KIAA1217: variants seen among roughly 807,000 people sequenced by gnomAD.
KIAA1217 encodes the protein KIAA1217, also known as sickle tail protein homolog.
Under a neutral mutation model 163.9 loss-of-function variants are expected in KIAA1217, and 88 were observed. That is an observed-to-expected ratio of 0.54 (90% CI 0.45 to 0.64). The LOEUF (loss-of-function observed/expected upper bound fraction) is 0.64, where lower values mean the gene tolerates loss of function less well. Ranked by LOEUF, KIAA1217 falls within the 30% of genes least tolerant of loss-of-function variation. The probability of loss-of-function intolerance (pLI) is 0.00; values close to 1 mark genes in which losing one functional copy is unlikely to be tolerated. For synonymous variants in KIAA1217, 903 were observed against 923.1 expected (o/e 0.98, Z 0.39); for missense variants, 2,372 against 2,475.0 (o/e 0.96, Z 0.88).
At chr10:24,393,734 G>A (rs1197018374) in intron 3 of KIAA1217, among the ~76,000 whole-genome samples, 1 of 152,212 alleles carries the variant, frequency 6.6e-6, no homozygotes, top group African/African-American at 2.4e-5. Context: ...CGTGTACAGA[G>A]AGAAGACCAT....
intron 2 of KIAA1217, among the ~76,000 whole-genome samples, chr10:24,024,690 A>G (rs7907002): frequency 0.016 from 2,491 of 151,870 alleles, 72 homozygotes; most frequent in African/African-American, 0.058. Flanking sequence ...CCAGCAATGT[A>G]TGAGAATTTC....
At chr10:23,853,156 T>C (rs949072004) in intron 1 of KIAA1217, among the ~76,000 whole-genome samples, 21 of 152,230 alleles carry the variant, frequency 1.4e-4, no homozygotes, top group African/African-American at 4.3e-4. Context: ...GGGTTTGTCA[T>C]AGATAGCTCT....
intron 2 of KIAA1217, among the ~76,000 whole-genome samples, chr10:24,351,607 T>C (rs2048471224): frequency 6.6e-6 from 1 of 152,154 alleles, no homozygotes; most frequent in South Asian, 2.1e-4. Flanking sequence ...TGAAAAACAA[T>C]GAAGCAAGGA....
chr10:23,805,996 C>CAAAAAAAAAAAA (rs71397917), intron 1 of KIAA1217, among the ~76,000 whole-genome samples: 81 of 30,508 alleles, frequency 2.7e-3, no homozygotes, highest in Non-Finnish European at 2.9e-3. Flanking sequence ...AACTCCATCT[C>CAAAAAAAAAAAA]AAAAAAAAAA....
intron 1 of KIAA1217, among the ~76,000 whole-genome samples, chr10:23,966,335 G>A (rs1845065950): frequency 1.3e-5 from 2 of 152,152 alleles, no homozygotes; most frequent in Admixed American, 1.3e-4. Flanking sequence ...AAATGGGCGT[G>A]GGGGTAATGG....
At chr10:24,218,081 C>A (rs2069073109) in intron 1 of KIAA1217, among the ~76,000 whole-genome samples, 1 of 152,196 alleles carries the variant, frequency 6.6e-6, no homozygotes. Flanking sequence ...ATGATAAGAA[C>A]TGTTCTTCGT....
At chr10:24,151,902 C>T (rs2064634440) in intron 2 of KIAA1217, among the ~76,000 whole-genome samples, 2 of 152,140 alleles carry the variant, frequency 1.3e-5, no homozygotes, top group Admixed American at 1.3e-4. Flanking sequence ...ATATGAATCT[C>T]ATCTAATTCC....
At chr10:24,378,506 G>A (rs1277405552) in intron 2 of KIAA1217, among the ~76,000 whole-genome samples, 1 of 152,052 alleles carries the variant, frequency 6.6e-6, no homozygotes, top group Non-Finnish European at 1.5e-5. Context: ...CATTCTTCCT[G>A]TCCATCTATT....
At chr10:23,909,224 G>A (rs1205265789) in intron 1 of KIAA1217, among the ~76,000 whole-genome samples, 1 of 152,086 alleles carries the variant, frequency 6.6e-6, no homozygotes. Context: ...AAGGGGATGA[G>A]GGATAAAAGA....
chr10:24,141,978 G>C (rs1160186843), intron 2 of KIAA1217, among the ~76,000 whole-genome samples: 2 of 151,802 alleles, frequency 1.3e-5, no homozygotes, highest in African/African-American at 2.4e-5. Context: ...TATGGAATTT[G>C]GTTATAGCAG....
chr10:24,088,984 G>C (rs1042677040), intron 2 of KIAA1217, among the ~76,000 whole-genome samples: 3 of 124,886 alleles, frequency 2.4e-5, no homozygotes, highest in African/African-American at 7.5e-5. Flanking sequence ...AATGATTGCT[G>C]TTCTAACTAG....
intron 1 of KIAA1217, among the ~76,000 whole-genome samples, chr10:23,731,331 G>A (rs998794323): frequency 1.1e-4 from 16 of 152,144 alleles, no homozygotes; most frequent in African/African-American, 2.9e-4. Context: ...CCCATTCCTG[G>A]GTCCCCTGTA....
intron 2 of KIAA1217, among the ~76,000 whole-genome samples, chr10:24,007,596 G>T (rs1476394073): frequency 6.6e-6 from 1 of 152,142 alleles, no homozygotes; most frequent in Non-Finnish European, 1.5e-5. Context: ...TGGTGTTGCG[G>T]ACAGGGTTAG....
At chr10:23,811,692 G>A (rs1287959476) in intron 1 of KIAA1217, among the ~76,000 whole-genome samples, 1 of 152,014 alleles carries the variant, frequency 6.6e-6, no homozygotes, top group Non-Finnish European at 1.5e-5. Flanking sequence ...GAACCAGGGC[G>A]ATGGCAGTGG....
intron 1 of KIAA1217, among the ~76,000 whole-genome samples, chr10:23,702,708 CAA>C (rs1491198729): frequency 4.1e-5 from 6 of 148,038 alleles, no homozygotes; most frequent in African/African-American, 7.7e-5. Context: ...CACACACACA[CAA>C]ATATATTGTA....
At position 24,002,326 on chromosome 10, in the gene KIAA1217, G is replaced by A. The variant is rs575657610; in HGVS notation, c.-320-4899G>A. ...CTCTCTCCACAGAGCTCAGGCATAG[G>A]TTGTCCAGGGCTGGGCCTGGGTCAG... On this transcript the variant is annotated intron_variant, in intron 1 of 18. Transcript: ENST00000376462. 3.9e-5 allele frequency among the ~76,000 whole-genome samples: 6 copies of A among 152,264 alleles called. No homozygotes were observed. In the South Asian group the frequency reaches 8.3e-4, roughly 21 times the overall value.
intron 2 of KIAA1217, among the ~76,000 whole-genome samples, chr10:24,191,260 G>C (rs1564809550): frequency 6.6e-6 from 1 of 152,116 alleles, no homozygotes; most frequent in African/African-American, 2.4e-5. Context: ...TCTATTTAAT[G>C]TGATTTAAAG....
intron 1 of KIAA1217, among the ~76,000 whole-genome samples, chr10:23,935,714 A>C (rs1434916742): frequency 2.6e-5 from 4 of 152,252 alleles, no homozygotes; most frequent in African/African-American, 7.2e-5. Flanking sequence ...TGTATAATTA[A>C]TTATATACTA....
intron 1 of KIAA1217, among the ~76,000 whole-genome samples, chr10:24,007,040 C>T (rs1353916368): frequency 6.6e-6 from 1 of 152,120 alleles, no homozygotes; most frequent in African/African-American, 2.4e-5. Flanking sequence ...TTAACTTGAA[C>T]TCTAACTTTG....
Sources: allele counts gnomAD v4.1 joint callset (sites outside exome capture counted in the v4.1 genomes callset), GRCh38; gene constraint gnomAD v4.1.1; transcripts MANE v1.5; gene names NCBI Gene and HGNC (gene_info 2026-07-23, HGNC 2026-07-21).